Variants in SBF2 observed in about 807,000 individuals in gnomAD.
The protein encoded by SBF2 is myotubularin-related protein 13.
In SBF2, 112 loss-of-function variants were observed where a neutral mutation model predicts 225.2. The observed-to-expected ratio is 0.50, with a 90% CI of 0.43 to 0.58. The LOEUF (loss-of-function observed/expected upper bound fraction) is 0.58. SBF2 is among the 20% of genes least tolerant of loss of function. SBF2 has a pLI of 0.00. For missense variants in SBF2, 1,996 were observed against 2,206.2 expected, an observed-to-expected ratio of 0.90 and a Z score of 1.91; for synonymous variants, 763 against 773.3, an observed-to-expected ratio of 0.99 and a Z score of 0.22.
chr11:9,878,504 T>C (rs559882216), intron 17 of SBF2, among the ~76,000 whole-genome samples: 75 of 152,352 alleles, frequency 4.9e-4, no homozygotes, highest in African/African-American at 1.7e-3. Flanking sequence ...CTAGGTTTTC[T>C]TCTAGGGTTT....
At chr11:10,279,537 C>T (rs1963251006) in intron 1 of SBF2, among the ~76,000 whole-genome samples, 1 of 152,124 alleles carries the variant, frequency 6.6e-6, no homozygotes, top group Non-Finnish European at 1.5e-5. Context: ...CTATCTTTTC[C>T]TAATACCTCC....
chr11:10,005,621 C>G (rs999943226), intron 6 of SBF2, among the ~76,000 whole-genome samples: 1 of 152,256 alleles, frequency 6.6e-6, no homozygotes, highest in East Asian at 1.9e-4. Context: ...TCTGAAGAAG[C>G]AAGAATTGAG....
At chr11:10,155,011 T>C (rs1955399836) in intron 2 of SBF2, among the ~76,000 whole-genome samples, 1 of 152,124 alleles carries the variant, frequency 6.6e-6, no homozygotes, top group African/African-American at 2.4e-5. Flanking sequence ...CTATCTATTT[T>C]AGTACTGAAA....
At chr11:10,022,673 A>AT (rs918639642) in intron 6 of SBF2, among the ~76,000 whole-genome samples, 1 of 151,256 alleles carries the variant, frequency 6.6e-6, no homozygotes, top group African/African-American at 2.4e-5. Context: ...CACTTTCCTG[A>AT]TTTTTTTCTA....
At chr11:10,072,057 G>C (rs935359749) in intron 2 of SBF2, among the ~76,000 whole-genome samples, 24 of 151,964 alleles carry the variant, frequency 1.6e-4, no homozygotes, top group South Asian at 2.1e-4. Context: ...AATATTTTTT[G>C]TATGCATTTA....
At chr11:10,150,407 A>G (rs984222065) in intron 2 of SBF2, among the ~76,000 whole-genome samples, 2 of 152,186 alleles carry the variant, frequency 1.3e-5, no homozygotes, top group African/African-American at 4.8e-5. Context: ...ATTCCTGACC[A>G]AATGTCAACA....
At chr11:10,204,325 G>T (rs117411732) in intron 1 of SBF2, among the ~76,000 whole-genome samples, 2,423 of 150,992 alleles carry the variant, frequency 0.016, 45 homozygotes, top group Non-Finnish European at 0.025. Flanking sequence ...CTATATAATC[G>T]AATATTATTT....
Position 9,842,713 on chromosome 11 carries a change from C to A in SBF2, c.3168G>T (p.Gly1056=). The change falls in exon 25 of 40, where the codon GGG becomes GGT. Residue 1056 remains glycine (G), a synonymous_variant. Coordinates refer to ENST00000256190, the MANE Select transcript of SBF2 (RefSeq NM_030962.4). The part of the protein sequence containing the change: ...GAKRAGKMTI[G]RQYLLKKKTG... The stretch of plus-strand genomic sequence containing the variant: ...TCTTCTTCTTCAGTAAATATTGCCG[C>A]CCAATTGTCATTTTCCCTGCCCTTT... 6.2e-7 allele frequency: 1 copy of A among 1,614,120 alleles called. No homozygotes were observed. Among genetic ancestry groups the A allele is most frequent in the Non-Finnish European group, 8.5e-7 (1 of 1,179,988 alleles).
intron 2 of SBF2, among the ~76,000 whole-genome samples, chr11:10,185,332 A>C (rs938608784): frequency 2.6e-5 from 4 of 152,156 alleles, no homozygotes; most frequent in Non-Finnish European, 4.4e-5. Context: ...ATTTTTTTTG[A>C]AGACTCTCCA....
intron 2 of SBF2, among the ~76,000 whole-genome samples, chr11:10,089,048 G>T (rs1390154211): frequency 6.6e-6 from 1 of 151,856 alleles, no homozygotes; most frequent in South Asian, 2.1e-4. Flanking sequence ...TCCAAAAGAC[G>T]GTCTTAAAAA....
intron 17 of SBF2, among the ~76,000 whole-genome samples, chr11:9,887,548 G>A (rs1051865910): frequency 6.6e-6 from 1 of 151,978 alleles, no homozygotes; most frequent in Non-Finnish European, 1.5e-5. Flanking sequence ...CTGTCTTAAA[G>A]AACAAGAAGA....
At chr11:9,970,847 ATAAG>A (rs1867284481) in intron 13 of SBF2, among the ~76,000 whole-genome samples, 1 of 152,212 alleles carries the variant, frequency 6.6e-6, no homozygotes, top group Non-Finnish European at 1.5e-5. Context: ...ACAGGGAAAA[ATAAG>A]TAAGTAAATC....
chr11:9,800,563 C>T (rs777214289), intron 32 of SBF2, among the ~76,000 whole-genome samples: 66 of 151,954 alleles, frequency 4.3e-4, no homozygotes, highest in Non-Finnish European at 7.9e-4. Context: ...CCTGCCACCA[C>T]GCCCAGCTAA....
intron 14 of SBF2, among the ~76,000 whole-genome samples, chr11:9,967,971 C>CTCTCTCTCTCTCTCTCTATATATA (rs1260685462): frequency 4.8e-4 from 44 of 91,494 alleles, no homozygotes; most frequent in Admixed American, 2.3e-3. Flanking sequence ...CTCTCTCTCT[C>CTCTCTCTCTCTCTCTCTATATATA]TATATATATA....
intron 17 of SBF2, among the ~76,000 whole-genome samples, chr11:9,863,335 C>T (rs1312881129): frequency 6.6e-6 from 1 of 152,214 alleles, no homozygotes; most frequent in Admixed American, 6.5e-5. Context: ...GTTAGTTCCC[C>T]AAGCTCAAGG....
intron 2 of SBF2, among the ~76,000 whole-genome samples, chr11:10,107,770 CCCGT>C (rs1431516745): frequency 1.3e-5 from 2 of 152,178 alleles, no homozygotes; most frequent in African/African-American, 2.4e-5. Flanking sequence ...GGATTTACGG[CCCGT>C]CCTAATACAG....
At chr11:9,918,545 A>T (rs1295023436) in intron 16 of SBF2, among the ~76,000 whole-genome samples, 4 of 151,222 alleles carry the variant, frequency 2.6e-5, no homozygotes, top group Middle Eastern at 3.4e-3. Context: ...TATTTTATTT[A>T]TTTTTTTGCA....
chr11:9,942,564 A>G (rs1295431205), intron 16 of SBF2, among the ~76,000 whole-genome samples: 3 of 152,262 alleles, frequency 2.0e-5, no homozygotes, highest in African/African-American at 7.2e-5. Flanking sequence ...GACATTTCTT[A>G]GGAAGATACA....
intron 31 of SBF2, 139 bp downstream of exon 31, chr11:9,808,762 T>C (rs898800362): frequency 7.6e-6 from 5 of 660,896 alleles, no homozygotes; most frequent in Non-Finnish European, 7.9e-6. Flanking sequence ...TTCTGATGGA[T>C]ACCAGGTGCT....
Sources: allele counts gnomAD v4.1 joint callset (sites outside exome capture counted in the v4.1 genomes callset), GRCh38; gene constraint gnomAD v4.1.1; transcripts MANE v1.5; gene names NCBI Gene and HGNC (gene_info 2026-07-23, HGNC 2026-07-21).